AQP9: variants seen among roughly 807,000 people sequenced by gnomAD.
The protein encoded by AQP9 is aquaporin-9.
Under a neutral mutation model 23.8 loss-of-function variants are expected in AQP9, and 19 were observed. That is an observed-to-expected ratio of 0.80 (90% CI 0.56 to 1.17). The LOEUF is 1.17. AQP9 is among the 50% of genes most tolerant of loss of function. The pLI is 0.00. For synonymous variants in AQP9, 153 were observed against 131.5 expected (o/e 1.16, Z -1.12); for missense variants, 413 against 362.0 (o/e 1.14, Z -1.14).
intron 5 of AQP9, among the ~76,000 whole-genome samples, chr15:58,179,979 A>G (rs564487764): frequency 2.0e-5 from 3 of 152,344 alleles, no homozygotes; most frequent in Non-Finnish European, 4.4e-5. Context: ...TTCTGGAGAT[A>G]TGAGTAAGAA....
chr15:58,169,467 A>G (rs186262663), intron 2 of AQP9, among the ~76,000 whole-genome samples: 13 of 152,330 alleles, frequency 8.5e-5, no homozygotes, highest in Admixed American at 7.8e-4. Context: ...CAGCATCAGT[A>G]TCAGCTTTGG....
chr15:58,139,349 T>C lies in AQP9; in HGVS notation c.111+673T>C, dbSNP rs188757484. Among the ~76,000 whole-genome samples the C allele has an allele frequency of 2.6e-5, 4 of 152,274 alleles. No homozygotes were observed. In the East Asian group the frequency reaches 7.7e-4, roughly 29 times the overall value. On this transcript the variant is annotated intron_variant, in intron 1 of 5. Transcript: ENST00000219919. ...AAACGAGGGACGACTTCTAAGAACC[T>C]CTTGAGGATTGCCCAGAGATTTACT...
intron 2 of AQP9, among the ~76,000 whole-genome samples, chr15:58,172,726 T>C (rs1424848548): frequency 6.6e-6 from 1 of 152,248 alleles, no homozygotes; most frequent in African/African-American, 2.4e-5. Context: ...AGTTAATAGC[T>C]ACATCAGTCT....
chr15:58,174,878 C>T (rs1200975748), intron 3 of AQP9, 40 bp from the exon 4 acceptor site: 1 of 1,568,758 alleles, frequency 6.4e-7, no homozygotes, highest in African/African-American at 1.4e-5. Context: ...TTCAACTCTT[C>T]CCAGGGAACA....
intron 4 of AQP9, among the ~76,000 whole-genome samples, chr15:58,175,686 G>C (rs1898736596): frequency 6.6e-6 from 1 of 152,162 alleles, no homozygotes; most frequent in South Asian, 2.1e-4. Flanking sequence ...TGGAAGGAAG[G>C]CTATATTTTT....
intron 1 of AQP9, among the ~76,000 whole-genome samples, chr15:58,147,754 G>T (rs1168717066): frequency 2.0e-5 from 3 of 152,044 alleles, no homozygotes; most frequent in Admixed American, 6.5e-5. Context: ...AAAAATGGGG[G>T]TGCATCTATG....
At position 58,184,634 on chromosome 15, in the gene AQP9, GC is replaced by G. The variant is rs564583703; in HGVS notation, c.*500del. ...CTAATGGGTTAAGCTTCCAGTTCCC[GC>G]TATGCTACTGGATTTGTATAAATAC... is the stretch of plus-strand genomic sequence containing the variant. On this transcript the variant is annotated 3_prime_UTR_variant, in exon 6 of 6. Transcript: ENST00000219919. 9 of 153,378 alleles carry G rather than the reference GC, an allele frequency of 5.9e-5. No individual in the cohort carries two copies. Among genetic ancestry groups the G allele is most frequent in the African/African-American group, 2.2e-4 (9 of 41,558 alleles). The allele number at this position is 153,378 out of a possible 1,614,324, so 9.5% of individuals were successfully genotyped here.
At chr15:58,148,042 A>G (rs1331529073) in intron 1 of AQP9, among the ~76,000 whole-genome samples, 12 of 152,196 alleles carry the variant, frequency 7.9e-5, no homozygotes, top group Non-Finnish European at 1.3e-4. Context: ...ATTTTATAGT[A>G]TACCCTTTTG....
intron 1 of AQP9, chr15:58,150,974 A>G (rs2140593916): frequency 6.6e-6 from 1 of 152,224 alleles, no homozygotes; most frequent in East Asian, 1.9e-4. Flanking sequence ...ATTGGTAGAT[A>G]GTTTAAGTTA....
In AQP9 at chr15:58,184,153, G is replaced by A. The variant is rs1320251388; in HGVS notation, c.*18G>A. 1 of 1,609,378 alleles carries A rather than the reference G, an allele frequency of 6.2e-7. No homozygotes were observed. The highest frequency in any genetic ancestry group is 8.5e-7 in the Non-Finnish European group (1 of 1,176,772). ...TCATGTAGTGGCATGCTCAGCTCTG[G>A]ATTTGCAGTCAGTTTGGGATTCTCT... is the stretch of plus-strand genomic sequence containing the variant. On this transcript the variant is annotated 3_prime_UTR_variant, in exon 6 of 6. Transcript: ENST00000219919.
chr15:58,147,000 T>C (rs552501749), intron 1 of AQP9: 13 of 152,270 alleles, frequency 8.5e-5, no homozygotes, highest in African/African-American at 2.6e-4. Context: ...CTTCCCCCTA[T>C]CAGCAATGAA....
At chr15:58,151,021 T>A (rs1955825699) in intron 1 of AQP9, 1 of 152,234 alleles carries the variant, frequency 6.6e-6, no homozygotes, top group African/African-American at 2.4e-5. Flanking sequence ...TATGATAGAC[T>A]ATATTTACCA....
rs568403538 is a variant in AQP9 at position 58,182,809 on chromosome 15, C to A, written c.714-1152C>A. On this transcript the variant is annotated intron_variant, in intron 5 of 5. Transcript: ENST00000219919. ...AAGGGCAATGGAGGACTTCGGAGAC[C>A]ACTTAGGTGCCCCAGGTGGAAGGGA... Among the ~76,000 whole-genome samples the A allele has an allele frequency of 7.9e-5, 12 of 152,210 alleles. No homozygotes were observed. The South Asian group carries it at 2.3e-3, about 29-fold the overall frequency.
intron 1 of AQP9, among the ~76,000 whole-genome samples, chr15:58,154,630 T>G (rs187866972): frequency 2.6e-5 from 4 of 152,130 alleles, no homozygotes; most frequent in Admixed American, 2.6e-4. Flanking sequence ...CTGTTAATAA[T>G]CCTAATAATA....
chr15:58,157,077 G>A (rs2140603700), intron 1 of AQP9, among the ~76,000 whole-genome samples: 1 of 152,208 alleles, frequency 6.6e-6, no homozygotes, highest in Non-Finnish European at 1.5e-5. Flanking sequence ...GATTTAAAAT[G>A]TGTTGCCACA....
At chr15:58,144,188 T>C (rs1286313512) in intron 1 of AQP9, among the ~76,000 whole-genome samples, 1 of 151,978 alleles carries the variant, frequency 6.6e-6, no homozygotes, top group Non-Finnish European at 1.5e-5. Flanking sequence ...TTAATTGTTA[T>C]AGGATATTTA....
chr15:58,163,688 T>C (rs76231185), intron 1 of AQP9, among the ~76,000 whole-genome samples: 2,697 of 152,148 alleles, frequency 0.018, 25 homozygotes, highest in Non-Finnish European at 0.03. Flanking sequence ...TTTTTGAGTC[T>C]AAGAAGGGAA....
intron 1 of AQP9, among the ~76,000 whole-genome samples, chr15:58,156,864 A>G (rs1367458156): frequency 6.6e-6 from 1 of 152,162 alleles, no homozygotes; most frequent in Non-Finnish European, 1.5e-5. Flanking sequence ...GGCTAAGGGT[A>G]GGCTTAAGTT....
intron 1 of AQP9, among the ~76,000 whole-genome samples, chr15:58,147,571 G>A (rs902280717): frequency 6.6e-6 from 1 of 152,156 alleles, no homozygotes; most frequent in African/African-American, 2.4e-5. Flanking sequence ...CATCTCAGTA[G>A]CTTGGCTGGT....
Sources: allele counts gnomAD v4.1 joint callset (sites outside exome capture counted in the v4.1 genomes callset), GRCh38; gene constraint gnomAD v4.1.1; transcripts MANE v1.5; gene names NCBI Gene and HGNC (gene_info 2026-07-23, HGNC 2026-07-21).